Variants in SUGT1 observed in about 807,000 individuals in gnomAD.
The protein encoded by SUGT1 is SGT1 assembly cochaperone of MIS12 kinetochore complex, also known as protein SGT1 homolog.
A neutral mutation model predicts 56.1 loss-of-function variants in SUGT1; 15 were observed. The observed-to-expected ratio is 0.27, with a 90% CI of 0.18 to 0.41. The LOEUF (loss-of-function observed/expected upper bound fraction) is 0.41. SUGT1 is among the 10% of genes least tolerant of loss of function. The pLI, the probability that SUGT1 is intolerant of heterozygous loss-of-function variation, is 1.00. For synonymous variants in SUGT1, 123 were observed against 128.6 expected, an observed-to-expected ratio of 0.96 and a Z score of 0.30; for missense variants, 347 against 382.2, an observed-to-expected ratio of 0.91 and a Z score of 0.77.
chr13:52,664,444 T>G (rs1962596639), intron 8 of SUGT1, among the ~76,000 whole-genome samples: 1 of 151,674 alleles, frequency 6.6e-6, no homozygotes, highest in Non-Finnish European at 1.5e-5. Context: ...ACATTCTGTA[T>G]GCGTTGAAAG....
At chr13:52,660,607 A>G (rs1387539779) in intron 5 of SUGT1, among the ~76,000 whole-genome samples, 1 of 152,214 alleles carries the variant, frequency 6.6e-6, no homozygotes, top group African/African-American at 2.4e-5. Flanking sequence ...CTACAAATTA[A>G]AAAAGGAGAG....
intron 10 of SUGT1, among the ~76,000 whole-genome samples, chr13:52,668,419 C>T (rs994494351): frequency 2.0e-5 from 3 of 152,110 alleles, no homozygotes; most frequent in Non-Finnish European, 4.4e-5. Context: ...ATAATTGGGC[C>T]TGCAGAAAGG....
Position 52,695,014 on chromosome 13 carries a change from T to C in SUGT1, c.*7179T>C, listed in dbSNP as rs1640606812. 1 of 152,362 alleles carries C rather than the reference T, an allele frequency of 6.6e-6. No homozygotes were observed. Among genetic ancestry groups the C allele is most frequent in the Admixed American group, 6.5e-5 (1 of 15,308 alleles). 9.4% of individuals were successfully genotyped at this position (152,362 alleles called of 1,614,324 possible). ...GCTGGTAGATGTTTTTATGAGTTAA[T>C]TCATCAATCTTATTATTCTTGCCCC... On this transcript the variant is annotated 3_prime_UTR_variant, in exon 13 of 13. Coordinates refer to ENST00000310528, the MANE Select transcript of SUGT1 (RefSeq NM_006704.5).
Sources: gnomAD v4.1 joint callset for allele counts (sites outside exome capture counted in the v4.1 genomes callset) on GRCh38, gnomAD v4.1.1 for gene constraint, MANE v1.5 for transcripts, NCBI Gene and HGNC (gene_info 2026-07-23, HGNC 2026-07-21) for gene names.